Variants in GLCCI1 observed in about 807,000 individuals in gnomAD.
GLCCI1 encodes the protein glucocorticoid induced 1, also known as glucocorticoid-induced transcript 1 protein.
Under a neutral mutation model 52.2 loss-of-function variants are expected in GLCCI1, and 24 were observed. The observed-to-expected ratio is 0.46, with a 90% CI of 0.33 to 0.65. The LOEUF (loss-of-function observed/expected upper bound fraction) is 0.65, where lower values mean the gene tolerates loss of function less well. Ranked by LOEUF, GLCCI1 falls within the 30% of genes least tolerant of loss-of-function variation. The pLI, the probability that GLCCI1 is intolerant of heterozygous loss-of-function variation, is 0.02. For synonymous variants in GLCCI1, 310 were observed against 276.5 expected (o/e 1.12, Z -1.20); for missense variants, 704 against 701.5 (o/e 1.00, Z -0.04).
rs554602816 is a variant in GLCCI1, at chr7:8,002,965, T to C, written c.458-943T>C. Reference sequence around the variant, plus strand: ...AGATTTTGGGTTCTTTTTACCTCTGTCCCTTGTTTGCATCTCTTGTTCAGT... The same window carrying C: ...AGATTTTGGGTTCTTTTTACCTCTGCCCCTTGTTTGCATCTCTTGTTCAGT... On this transcript the variant is annotated intron_variant, in intron 1 of 7. Coordinates refer to ENST00000223145, the MANE Select transcript of GLCCI1 (RefSeq NM_138426.4). Among the ~76,000 whole-genome samples, 7 of 152,348 alleles carry C rather than the reference T, an allele frequency of 4.6e-5. No homozygotes were observed. In the East Asian group the frequency reaches 1.3e-3, roughly 29 times the overall value.
chr7:8,044,513 G>GGCAT (rs1413971865), intron 3 of GLCCI1, among the ~76,000 whole-genome samples: 1 of 151,866 alleles, frequency 6.6e-6, no homozygotes, highest in Non-Finnish European at 1.5e-5. Context: ...TGGGACTATA[G>GGCAT]GCATATGCCA....
At chr7:8,077,189 G>A (rs1486261776) in intron 6 of GLCCI1, among the ~76,000 whole-genome samples, 1 of 152,044 alleles carries the variant, frequency 6.6e-6, no homozygotes, top group East Asian at 1.9e-4. Flanking sequence ...AAATAATAGG[G>A]TGTCACCTAG....
intron 2 of GLCCI1, among the ~76,000 whole-genome samples, chr7:8,020,630 C>G (rs989673085): frequency 1.2e-4 from 18 of 151,998 alleles, no homozygotes; most frequent in Non-Finnish European, 2.4e-4. Context: ...AAGGGCTGTA[C>G]AAAATGAATG....
intron 1 of GLCCI1, 77 bp from the exon 2 acceptor site, chr7:8,003,831 C>T (rs1399553464): frequency 7.6e-7 from 1 of 1,322,122 alleles, no homozygotes; most frequent in Admixed American, 2.1e-5. Context: ...GGATGACATT[C>T]TACAAACTAT....
intron 3 of GLCCI1, among the ~76,000 whole-genome samples, chr7:8,026,928 T>A (rs1001197757): frequency 1.2e-4 from 18 of 152,164 alleles, no homozygotes; most frequent in African/African-American, 4.3e-4. Context: ...AGATGGTAGG[T>A]ATAACTCTAC....
At chr7:8,071,693 T>C (rs989095596) in intron 6 of GLCCI1, among the ~76,000 whole-genome samples, 1 of 152,182 alleles carries the variant, frequency 6.6e-6, no homozygotes, top group Non-Finnish European at 1.5e-5. Context: ...CTCCATGTTC[T>C]TCTATCCTTG....
chr7:7,982,436 T>C (rs1780641563), intron 1 of GLCCI1, among the ~76,000 whole-genome samples: 1 of 152,210 alleles, frequency 6.6e-6, no homozygotes, highest in Non-Finnish European at 1.5e-5. Flanking sequence ...ACTAATGTTA[T>C]TGTTATACAT....
chr7:8,068,272 C>T lies in GLCCI1; in HGVS notation c.967-2649C>T, dbSNP rs777652601. Among the ~76,000 whole-genome samples the T allele has an allele frequency of 3.9e-4, 60 of 152,244 alleles. 1 individual carries two copies. Among genetic ancestry groups the T allele is most frequent in the Non-Finnish European group, 6.8e-4 (46 of 68,032 alleles). ...GGCTGAGGCAGGAGAATCTCTTGAA[C>T]CCAGGAGGCGGAGGTTGCAGTGAGC... On this transcript the variant is annotated intron_variant, in intron 5 of 7. Coordinates refer to ENST00000223145, the MANE Select transcript of GLCCI1 (RefSeq NM_138426.4).
intron 1 of GLCCI1, among the ~76,000 whole-genome samples, chr7:7,992,264 T>G (rs1370688139): frequency 6.6e-6 from 1 of 151,944 alleles, no homozygotes; most frequent in African/African-American, 2.4e-5. Context: ...TCTATGGTCA[T>G]TTATTTCATT....
At chr7:8,000,730 A>AG (rs35367257) in intron 1 of GLCCI1, among the ~76,000 whole-genome samples, 152,175 of 152,338 alleles carry the variant, frequency 1, 76,007 homozygotes, top group Middle Eastern at 1. Flanking sequence ...AAATTATAAT[A>AG]TGATGCATAT....
At chr7:7,991,162 A>G (rs1459468040) in intron 1 of GLCCI1, among the ~76,000 whole-genome samples, 2 of 152,110 alleles carry the variant, frequency 1.3e-5, no homozygotes, top group African/African-American at 2.4e-5. Context: ...ACATTTAACC[A>G]TGGATTTAAC....
intron 1 of GLCCI1, chr7:7,981,074 TG>T: frequency 2.1e-6 from 1 of 474,250 alleles, no homozygotes; most frequent in Admixed American, 2.9e-5. Flanking sequence ...TTAGAGATGG[TG>T]GGAGACCTAC....
chr7:8,078,060 C>T (rs900520903), intron 6 of GLCCI1, among the ~76,000 whole-genome samples: 6 of 151,874 alleles, frequency 4.0e-5, no homozygotes, highest in East Asian at 1.9e-4. Flanking sequence ...CGGTGAAACC[C>T]CGTCTCTACT....
Position 8,061,976 on chromosome 7 carries a change from G to GT in GLCCI1, c.966+1736dup, listed in dbSNP as rs577166562. 1.3e-3 allele frequency among the ~76,000 whole-genome samples: 193 copies of GT among 151,710 alleles called. 1 individual carries two copies. The Middle Eastern group carries it at 0.014, about 11-fold the overall frequency. On this transcript the variant is annotated intron_variant, in intron 5 of 7. Transcript: ENST00000223145. Reference sequence around the variant, plus strand: ...GCCACTGCGCCCAGCCCATTAAAGTGTTTTTTTTATGCATTAAGTGAAGTT... The same window carrying GT: ...GCCACTGCGCCCAGCCCATTAAAGTGTTTTTTTTTATGCATTAAGTGAAGTT...
intron 1 of GLCCI1, among the ~76,000 whole-genome samples, chr7:7,974,108 CTT>C (rs1780416411): frequency 6.6e-6 from 1 of 152,112 alleles, no homozygotes; most frequent in Non-Finnish European, 1.5e-5. Context: ...CACATACTGA[CTT>C]TTGGGAAAGG....
At chr7:7,996,016 T>C (rs1441667200) in intron 1 of GLCCI1, among the ~76,000 whole-genome samples, 3 of 152,192 alleles carry the variant, frequency 2.0e-5, no homozygotes, top group Non-Finnish European at 4.4e-5. Flanking sequence ...TCTTTATAAA[T>C]TGAGATGTAA....
intron 2 of GLCCI1, among the ~76,000 whole-genome samples, chr7:8,010,573 A>T (rs1401457076): frequency 1.3e-5 from 2 of 152,206 alleles, no homozygotes; most frequent in Non-Finnish European, 2.9e-5. Context: ...CTAAATTAAA[A>T]GAAGTAAATA....
At chr7:8,004,180 A>T in intron 2 of GLCCI1, 121 bp downstream of exon 2, 1 of 896,960 alleles carries the variant, frequency 1.1e-6, no homozygotes. Context: ...CAAGGAAGAA[A>T]GGAAAAATCC....
chr7:8,062,452 A>G (rs1464868053), intron 5 of GLCCI1, among the ~76,000 whole-genome samples: 1 of 152,212 alleles, frequency 6.6e-6, no homozygotes, highest in Non-Finnish European at 1.5e-5. Context: ...TTAGCAGCAT[A>G]CTGTAGACAA....
Sources: gnomAD v4.1 joint callset for allele counts (sites outside exome capture counted in the v4.1 genomes callset) on GRCh38, gnomAD v4.1.1 for gene constraint, MANE v1.5 for transcripts, NCBI Gene and HGNC (gene_info 2026-07-23, HGNC 2026-07-21) for gene names.